CPNE1: variants seen among roughly 807,000 people sequenced by gnomAD.
The protein encoded by CPNE1 is copine-1.
Under a neutral mutation model 63.2 loss-of-function variants are expected in CPNE1, and 58 were observed. That is an observed-to-expected ratio of 0.92 (90% CI 0.74 to 1.14). The LOEUF (loss-of-function observed/expected upper bound fraction) is 1.14. CPNE1 is among the 50% of genes most tolerant of loss of function. CPNE1 has a pLI of 0.00. For synonymous variants in CPNE1, 237 were observed against 249.0 expected, an observed-to-expected ratio of 0.95 and a Z score of 0.45; for missense variants, 672 against 661.7, an observed-to-expected ratio of 1.02 and a Z score of -0.17.
At chr20:35,642,693 A>G (rs1429329678) in intron 1 of CPNE1, among the ~76,000 whole-genome samples, 1 of 152,228 alleles carries the variant, frequency 6.6e-6, no homozygotes, top group Non-Finnish European at 1.5e-5. Context: ...TATTCCTCAC[A>G]GGTCACAAAC....
At chr20:35,634,801 A>G (rs547691543) in intron 1 of CPNE1, among the ~76,000 whole-genome samples, 15 of 151,974 alleles carry the variant, frequency 9.9e-5, no homozygotes, top group African/African-American at 3.6e-4. Context: ...TGCAGTGGTG[A>G]GATCTCAGCT....
Position 35,627,343 on chromosome 20 carries a change from A to C in CPNE1, c.1173T>G (p.Phe391Leu), listed in dbSNP as rs751250213. ...PQVRLYGPTN[F>L]APIINHVARF... Reference sequence around the variant, plus strand: ...TGGCCACATGGTTGATGATGGGTGCAAAGTTGGTAGGGCCATAGAGGCGAA... The same window carrying C: ...TGGCCACATGGTTGATGATGGGTGCCAAGTTGGTAGGGCCATAGAGGCGAA... The change falls in exon 14 of 16, where the codon TTT becomes TTG. Residue 391 changes from phenylalanine (F) to leucine (L), a missense_variant. Transcript: ENST00000397443. 4 of 1,614,138 alleles carry C rather than the reference A, an allele frequency of 2.5e-6. No homozygotes were observed. In the East Asian group the frequency reaches 6.7e-5, roughly 27 times the overall value.
intron 1 of CPNE1, chr20:35,647,309 T>A (rs1368454107): frequency 2.0e-5 from 2 of 100,262 alleles, no homozygotes; most frequent in African/African-American, 8.2e-5. Flanking sequence ...CGTGAGACTT[T>A]GTCTCAAAAA....
intron 1 of CPNE1, chr20:35,643,265 A>C (rs893624174): frequency 4.4e-5 from 7 of 158,126 alleles, no homozygotes; most frequent in Non-Finnish European, 8.8e-5. Context: ...TCTGTCCCGA[A>C]GCTGCATGCT....
chr20:35,663,890 T>C (rs561526700), intron 1 of CPNE1, among the ~76,000 whole-genome samples: 1 of 152,264 alleles, frequency 6.6e-6, no homozygotes. Flanking sequence ...AGAAACTCAA[T>C]TAACTCTCCA....
At chr20:35,654,447 G>C in intron 1 of CPNE1, 1 of 1,614,188 alleles carries the variant, frequency 6.2e-7, no homozygotes, top group Non-Finnish European at 8.5e-7. Context: ...GCTTCACACT[G>C]CTCTGAGAGT....
intron 1 of CPNE1, among the ~76,000 whole-genome samples, chr20:35,644,730 G>T (rs994018797): frequency 4.6e-5 from 7 of 152,286 alleles, no homozygotes; most frequent in Middle Eastern, 3.4e-3. Flanking sequence ...TACAACAGCA[G>T]TGAGACTCAC....
chr20:35,653,252 C>T, intron 1 of CPNE1: 1 of 1,613,616 alleles, frequency 6.2e-7, no homozygotes, highest in Non-Finnish European at 8.5e-7. Flanking sequence ...CTGGGCATTC[C>T]CGCACCAGGC....
At chr20:35,650,080 G>A (rs555705192) in intron 1 of CPNE1, 2 of 152,614 alleles carry the variant, frequency 1.3e-5, no homozygotes, top group South Asian at 4.1e-4. Context: ...CCAATGCCCA[G>A]AACAAGATAA....
At chr20:35,644,170 T>A (rs2032982693) in intron 1 of CPNE1, among the ~76,000 whole-genome samples, 1 of 152,112 alleles carries the variant, frequency 6.6e-6, no homozygotes, top group Non-Finnish European at 1.5e-5. Context: ...GTGTCAACTG[T>A]CCCTGTAGGT....
chr20:35,655,147 C>T lies in CPNE1; in HGVS notation c.-1+9613G>A, dbSNP rs750472475. 40 of 1,614,020 alleles carry T rather than the reference C, an allele frequency of 2.5e-5. No homozygotes were observed. The highest frequency in any genetic ancestry group is 2.3e-4 in the Admixed American group (14 of 60,000). On this transcript the variant is annotated intron_variant, in intron 1 of 15. Transcript: ENST00000397443. ...TGACCCTTTAATTGTACCACCTGTG[C>T]GCATCATACCAAGCCTTGCATCTTC...
At chr20:35,654,454 G>C in intron 1 of CPNE1, 1 of 1,614,190 alleles carries the variant, frequency 6.2e-7, no homozygotes. Flanking sequence ...ACTGCTCTGA[G>C]AGTTCATCTG....
chr20:35,655,137 A>G (rs1045607977), intron 1 of CPNE1: 1 of 1,614,160 alleles, frequency 6.2e-7, no homozygotes, highest in African/African-American at 1.3e-5. Flanking sequence ...CTTTAATTGT[A>G]CCACCTGTGC....
chr20:35,651,470 T>A (rs887626672), intron 1 of CPNE1: 1 of 152,184 alleles, frequency 6.6e-6, no homozygotes, highest in Non-Finnish European at 1.5e-5. Context: ...CGAACCAGCA[T>A]ACGGATCTTT....
At position 35,657,618 on chromosome 20, in the gene CPNE1, T is replaced by C. The variant is rs543958140; in HGVS notation, c.-1+7142A>G. Among the ~76,000 whole-genome samples the C allele has an allele frequency of 3.3e-5, 5 of 152,356 alleles. No homozygotes were observed. The South Asian group carries it at 8.3e-4, about 25-fold the overall frequency. On this transcript the variant is annotated intron_variant, in intron 1 of 15. Coordinates refer to ENST00000397443, the MANE Select transcript of CPNE1 (RefSeq NM_152925.3). The stretch of plus-strand genomic sequence containing the variant: ...TAAGAGCAGGGATTTACTGAAAGTT[T>C]GTACAAGGTACACATGAGAATATGC...
chr20:35,651,716 A>T (rs1455970635), intron 1 of CPNE1: 2 of 152,650 alleles, frequency 1.3e-5, no homozygotes, highest in Non-Finnish European at 2.9e-5. Context: ...CAACATGAAC[A>T]ATTTTTAAAC....
intron 13 of CPNE1, chr20:35,627,632 C>CAGATG: frequency 2.2e-6 from 1 of 456,394 alleles, no homozygotes; most frequent in South Asian, 3.6e-5. Flanking sequence ...AATTAGCACC[C>CAGATG]AGATGAGAGG....
Position 35,654,344 on chromosome 20 carries a change from G to T in CPNE1, c.-1+10416C>A. The T allele has an allele frequency of 1.9e-6, 3 of 1,614,128 alleles. No homozygotes were observed. The South Asian group carries it at 3.3e-5, about 18-fold the overall frequency. On this transcript the variant is annotated intron_variant, in intron 1 of 15. Coordinates refer to ENST00000397443, the MANE Select transcript of CPNE1 (RefSeq NM_152925.3). Reference sequence around the variant, plus strand: ...AACAAATGCACTGCATCAACACGGAGCCCATGAAAAAAATCTCTGACATCA... The same window carrying T: ...AACAAATGCACTGCATCAACACGGATCCCATGAAAAAAATCTCTGACATCA...
At chr20:35,634,353 C>G (rs916654698) in intron 1 of CPNE1, among the ~76,000 whole-genome samples, 1 of 150,736 alleles carries the variant, frequency 6.6e-6, no homozygotes, top group African/African-American at 2.4e-5. Context: ...AAACTCCAAA[C>G]TTGGCCAGAT....
Sources: gnomAD v4.1 joint callset for allele counts (sites outside exome capture counted in the v4.1 genomes callset) on GRCh38, gnomAD v4.1.1 for gene constraint, MANE v1.5 for transcripts, NCBI Gene and HGNC (gene_info 2026-07-23, HGNC 2026-07-21) for gene names.